Variants in DTX4 observed in about 807,000 individuals in gnomAD.
DTX4 encodes E3 ubiquitin-protein ligase DTX4.
In DTX4, 28 loss-of-function variants were observed where a neutral mutation model predicts 57.6. That is an observed-to-expected ratio of 0.49 (90% CI 0.36 to 0.67). DTX4 has a LOEUF of 0.67. Among genes scored for constraint, DTX4 ranks in the 30% least tolerant of loss-of-function variants. DTX4 has a pLI of 0.00. For missense variants in DTX4, 715 were observed against 836.8 expected (o/e 0.85, Z 1.80); for synonymous variants, 316 against 331.0 (o/e 0.95, Z 0.49).
intron 1 of DTX4, among the ~76,000 whole-genome samples, chr11:59,176,165 G>T (rs910045982): frequency 6.6e-6 from 1 of 152,176 alleles, no homozygotes; most frequent in Non-Finnish European, 1.5e-5. Flanking sequence ...CTGAGTTTTA[G>T]CCCCGCCACA....
chr11:59,199,557 C>T, intron 7 of DTX4, 127 bp from the exon 8 acceptor site: 1 of 759,196 alleles, frequency 1.3e-6, no homozygotes, highest in African/African-American at 1.8e-5. Flanking sequence ...CTTTTTGGGT[C>T]TGTTCTCTGT....
intron 2 of DTX4, 36 bp from the exon 3 acceptor site, chr11:59,188,699 T>A: frequency 6.3e-7 from 1 of 1,577,616 alleles, no homozygotes; most frequent in Non-Finnish European, 8.7e-7. Flanking sequence ...GTTCCACGTG[T>A]CAAAATGACA....
chr11:59,203,924 C>T (rs187856735), intron 8 of DTX4, among the ~76,000 whole-genome samples: 2 of 152,322 alleles, frequency 1.3e-5, no homozygotes, highest in Admixed American at 1.3e-4. Flanking sequence ...TCCTCTCCTC[C>T]AGCCCATACC....
intron 2 of DTX4, among the ~76,000 whole-genome samples, chr11:59,188,032 T>C (rs1187542969): frequency 6.6e-6 from 1 of 152,198 alleles, no homozygotes; most frequent in African/African-American, 2.4e-5. Flanking sequence ...ACCTTGTCCT[T>C]CTAAAAACAT....
chr11:59,171,628 C>G (rs1360521831), upstream of DTX4: 1 of 152,180 alleles, frequency 6.6e-6, no homozygotes, highest in African/African-American at 2.4e-5. Context: ...GGCACTCGCC[C>G]GAGCAGCAGG....
chr11:59,187,536 T>C (rs1258910006), intron 2 of DTX4, among the ~76,000 whole-genome samples: 1 of 152,224 alleles, frequency 6.6e-6, no homozygotes, highest in Non-Finnish European at 1.5e-5. Context: ...CAATAAACAC[T>C]TTTTGGATGG....
At position 59,172,159 on chromosome 11, in the gene DTX4, C is replaced by T. The variant is rs905654610; in HGVS notation, c.-437C>T. On this transcript the variant is annotated 5_prime_UTR_variant, in exon 1 of 9. Transcript: ENST00000227451. ...TCCGAGCGCGGCCGTGCGGCGAGAT[C>T]CCACCCCGGCGTCTGCAGAGGCCGA... Among the ~76,000 whole-genome samples, 5 of 152,016 alleles carry T rather than the reference C, an allele frequency of 3.3e-5. No individual in the cohort carries two copies. In the South Asian group the frequency reaches 1.0e-3, roughly 32 times the overall value.
chr11:59,182,190 G>A lies in DTX4; in HGVS notation c.663G>A (p.Met221Ile). The stretch of plus-strand genomic sequence containing the variant: ...AGCTGCCAGTGACCCGCAAGAACAT[G>A]CCGCCTCCTGGAGTGGTCAAGCTAC... ...PLQLPVTRKN[M>I]PPPGVVKLPP... Residue 221 changes from methionine (M) to isoleucine (I), a missense_variant, in exon 2 of 9, where the codon ATG (methionine) becomes ATA (isoleucine). Met to Ile is a conservative substitution (Grantham distance 10, BLOSUM62 1). Transcript: ENST00000227451. 4.3e-6 allele frequency: 7 copies of A among 1,612,218 alleles called. No individual in the cohort carries two copies. The highest frequency in any genetic ancestry group is 5.9e-6 in the Non-Finnish European group (7 of 1,179,294).
rs781442889 is a variant in DTX4, at chr11:59,172,786, A to G, written c.191A>G (p.Asn64Ser). 19 of 1,587,574 alleles carry G rather than the reference A, an allele frequency of 1.2e-5. No individual in the cohort carries two copies. Among genetic ancestry groups the G allele is most frequent in the Non-Finnish European group, 1.7e-6 (2 of 1,167,864 alleles). The change falls in exon 1 of 9, where the codon AAC (asparagine) becomes AGC (serine). Residue 64 changes from asparagine (N) to serine (S), a missense_variant. Asn to Ser is a conservative substitution (Grantham distance 46). Transcript: ENST00000227451. The part of the protein sequence containing the change: ...APYIIDLQSM[N>S]QFRQDTGTLR... The stretch of plus-strand genomic sequence containing the variant: ...TACATCATCGACCTGCAGTCCATGA[A>G]CCAGTTCCGCCAAGACACGGGTGAG...
At position 59,195,372 on chromosome 11, in the gene DTX4, GA is replaced by G; in HGVS notation, c.1536+4del. ...ACAGCATCCCCCCCGGCATTCAGGT[GA>G]GCCTTTCTCTCAGGTGAGCCTTTCT... On this transcript the variant is annotated splice_donor_region_variant and intron_variant, in intron 7 of 8. Transcript: ENST00000227451. The G allele has an allele frequency of 6.3e-7, 1 of 1,599,894 alleles. No individual in the cohort carries two copies. The highest frequency in any genetic ancestry group is 2.3e-5 in the East Asian group (1 of 44,420).
chr11:59,195,404 C>T (rs746041607), intron 7 of DTX4, 35 bp downstream of exon 7: 5 of 1,566,694 alleles, frequency 3.2e-6, no homozygotes, highest in Middle Eastern at 1.7e-4. Context: ...TTTCTGTCAC[C>T]CCTTGGTTTT....
rs1484145750 is a variant in DTX4 at position 59,199,751 on chromosome 11, C to T, written c.1604C>T (p.Pro535Leu). The T allele has an allele frequency of 7.7e-6, 12 of 1,567,126 alleles. 1 individual carries two copies. Among genetic ancestry groups the T allele is most frequent in the South Asian group, 2.4e-5 (2 of 84,808 alleles). ...ARGFPRHCYL[P>L]DSEKGRKVLK... Reference sequence around the variant, plus strand: ...GGCTTCCCACGACACTGTTACCTTCCGGACAGCGAGAAAGGGAGAAAAGTA... The same window carrying T: ...GGCTTCCCACGACACTGTTACCTTCTGGACAGCGAGAAAGGGAGAAAAGTA... Residue 535 changes from proline to leucine, a missense_variant, in exon 8 of 9, where the codon CCG (proline) becomes CTG (leucine). Physicochemically the swap from Pro to Leu is moderately conservative, Grantham distance 98. Transcript: ENST00000227451.
chr11:59,173,103 C>T (rs764711478), intron 1 of DTX4, among the ~76,000 whole-genome samples: 8 of 152,194 alleles, frequency 5.3e-5, no homozygotes, highest in Non-Finnish European at 1.0e-4. Context: ...CAGTTGGTGG[C>T]CCTAAGTCTT....
chr11:59,181,660 A>G (rs1464223421), intron 1 of DTX4, 79 bp from the exon 2 acceptor site: 8 of 1,516,730 alleles, frequency 5.3e-6, no homozygotes, highest in Non-Finnish European at 7.1e-6. Context: ...CATTATGGCA[A>G]TGGCATGACT....
In DTX4 at chr11:59,202,354, C is replaced by T. The variant is rs372225701; in HGVS notation, c.1627-2322C>T. 9.1e-4 allele frequency among the ~76,000 whole-genome samples: 138 copies of T among 152,320 alleles called. 1 individual carries two copies. Among genetic ancestry groups the T allele is most frequent in the African/African-American group, 3.1e-3 (128 of 41,556 alleles). ...CTGTGGGAACTGGTTGGCTTCATGT[C>T]TTGAAGTCTCAGTTTCCTAATCTGT... On this transcript the variant is annotated intron_variant, in intron 8 of 8. Transcript: ENST00000227451.
intron 2 of DTX4, among the ~76,000 whole-genome samples, chr11:59,184,815 T>C (rs1313774175): frequency 6.6e-6 from 1 of 152,242 alleles, no homozygotes; most frequent in Non-Finnish European, 1.5e-5. Flanking sequence ...GGGAGGCCCC[T>C]GCCTACTCCT....
intron 1 of DTX4, among the ~76,000 whole-genome samples, chr11:59,179,767 G>A (rs529033847): frequency 6.6e-6 from 1 of 152,326 alleles, no homozygotes; most frequent in South Asian, 2.1e-4. Flanking sequence ...CCTGCAGCAG[G>A]TTGTGTGGCC....
intron 2 of DTX4, among the ~76,000 whole-genome samples, chr11:59,187,218 G>A (rs1590983797): frequency 6.6e-6 from 1 of 152,230 alleles, no homozygotes; most frequent in South Asian, 2.1e-4. Context: ...AAACACAAGA[G>A]CCTGGCATAG....
Position 59,204,878 on chromosome 11 carries a change from C to T in DTX4, c.1829C>T (p.Ser610Phe). Residue 610 changes from serine (S) to phenylalanine (F), a missense_variant, in exon 9 of 9, where the codon TCT becomes TTT. By Grantham distance (155) the Ser-to-Phe change is radical. Transcript: ENST00000227451. ...VLAELAAQGI[S>F]EDSTAQEKD Reference sequence around the variant, plus strand: ...GCTGAACTGGCTGCCCAGGGCATCTCTGAGGACAGCACTGCCCAGGAGAAG... The same window carrying T: ...GCTGAACTGGCTGCCCAGGGCATCTTTGAGGACAGCACTGCCCAGGAGAAG... The T allele has an allele frequency of 6.3e-7, 1 of 1,592,972 alleles. No individual in the cohort carries two copies. The highest frequency in any genetic ancestry group is 8.6e-7 in the Non-Finnish European group (1 of 1,169,230).
Sources: gnomAD v4.1 joint callset for allele counts (sites outside exome capture counted in the v4.1 genomes callset) on GRCh38, gnomAD v4.1.1 for gene constraint, MANE v1.5 for transcripts, NCBI Gene and HGNC (gene_info 2026-07-23, HGNC 2026-07-21) for gene names.